TDP1: variants seen among roughly 807,000 people sequenced by gnomAD.
TDP1 encodes tyr-DNA phosphodiesterase 1.
TDP1 carries 64 observed loss-of-function variants against 81.5 expected under a neutral mutation model. That is an observed-to-expected ratio of 0.79 (90% CI 0.64 to 0.97). The LOEUF (loss-of-function observed/expected upper bound fraction) is 0.97. Ranked by LOEUF, TDP1 falls within the 50% of genes least tolerant of loss-of-function variation. TDP1 has a pLI of 0.00. For synonymous variants in TDP1, 256 were observed against 264.3 expected, an observed-to-expected ratio of 0.97 and a Z score of 0.30; for missense variants, 723 against 743.8, an observed-to-expected ratio of 0.97 and a Z score of 0.33.
intron 15 of TDP1, among the ~76,000 whole-genome samples, chr14:90,020,800 C>CTTTTTTTTTTT (rs869215666): frequency 2.4e-5 from 3 of 123,048 alleles, no homozygotes; most frequent in African/African-American, 3.3e-5. Flanking sequence ...CTAATCCAGT[C>CTTTTTTTTTTT]TTTTTTTTTT....
intron 15 of TDP1, among the ~76,000 whole-genome samples, chr14:90,025,202 C>T (rs1254060602): frequency 6.6e-6 from 1 of 152,214 alleles, no homozygotes; most frequent in Non-Finnish European, 1.5e-5. Flanking sequence ...TCCTGCAGTT[C>T]TCTACTTCCC....
rs1011799929 is a variant in TDP1, at chr14:90,035,397, G to A, written c.1753+2183G>A. Among the ~76,000 whole-genome samples the A allele has an allele frequency of 4.3e-4, 65 of 151,572 alleles. 1 individual carries two copies. The highest frequency in any genetic ancestry group is 1.4e-3 in the African/African-American group (59 of 41,242). Reference sequence around the variant, plus strand: ...GTGTATTCATGCATATTTCGTTTTCGGTAGCAAGGCTATCTAGATTTTTAT... The same window carrying A: ...GTGTATTCATGCATATTTCGTTTTCAGTAGCAAGGCTATCTAGATTTTTAT... On this transcript the variant is annotated intron_variant, in intron 16 of 16. Transcript: ENST00000335725.
At chr14:89,984,802 ATGTGATGAGG>A in intron 9 of TDP1, 119 bp downstream of exon 9, 1 of 1,592,000 alleles carries the variant, frequency 6.3e-7, no homozygotes, top group Non-Finnish European at 8.5e-7. Context: ...AAGCTTCAGG[ATGTGATGAGG>A]GGATGAGCAG....
intron 14 of TDP1, among the ~76,000 whole-genome samples, chr14:89,998,377 TATATA>T (rs1896838875): frequency 1.8e-4 from 1 of 5,518 alleles, no homozygotes; most frequent in Admixed American, 2.4e-3. Context: ...GCACATTATA[TATATA>T]TATATATATA....
chr14:89,970,977 A>G (rs1214083981), intron 5 of TDP1, 198 bp from the exon 6 acceptor site: 2 of 175,164 alleles, frequency 1.1e-5, no homozygotes, highest in African/African-American at 4.8e-5. Context: ...AGCTGGGATT[A>G]CAGGCACGCA....
chr14:90,021,003 C>T (rs946291656), intron 15 of TDP1, among the ~76,000 whole-genome samples: 27 of 151,750 alleles, frequency 1.8e-4, no homozygotes, highest in African/African-American at 6.3e-4. Context: ...ACCATGTTGG[C>T]CAAGTCTCCA....
intron 9 of TDP1, 40 bp downstream of exon 9, chr14:89,984,723 CT>C (rs34492580): frequency 2.5e-6 from 4 of 1,609,754 alleles, no homozygotes; most frequent in Non-Finnish European, 3.4e-6. Flanking sequence ...TTATGATAGG[CT>C]TATACCTTGG....
At chr14:89,999,411 C>T (rs916131321) in intron 14 of TDP1, among the ~76,000 whole-genome samples, 1 of 152,200 alleles carries the variant, frequency 6.6e-6, no homozygotes, top group Non-Finnish European at 1.5e-5. Flanking sequence ...ATCTAATGCT[C>T]TGTCAGCAAA....
chr14:89,994,380 A>G (rs116845772), intron 14 of TDP1, among the ~76,000 whole-genome samples: 2,695 of 152,310 alleles, frequency 0.018, 35 homozygotes, highest in Middle Eastern at 0.034. Context: ...GTAAGACTTG[A>G]TGTTGCAATC....
chr14:90,015,594 G>A (rs1335781108), intron 14 of TDP1, among the ~76,000 whole-genome samples: 1 of 152,192 alleles, frequency 6.6e-6, no homozygotes, highest in Non-Finnish European at 1.5e-5. Context: ...CTAGAGAATG[G>A]AAGTTCAATG....
At chr14:90,011,357 A>G (rs1024316296) in intron 14 of TDP1, among the ~76,000 whole-genome samples, 1 of 152,214 alleles carries the variant, frequency 6.6e-6, no homozygotes, top group Non-Finnish European at 1.5e-5. Context: ...GAACTGGGTA[A>G]CAGGCAGAGG....
At chr14:90,001,402 T>G (rs1356270088) in intron 14 of TDP1, among the ~76,000 whole-genome samples, 1 of 152,242 alleles carries the variant, frequency 6.6e-6, no homozygotes, top group Non-Finnish European at 1.5e-5. Context: ...AATCATAAAA[T>G]CTGCACCAAA....
intron 15 of TDP1, chr14:90,022,988 A>G (rs1380075260): frequency 5.3e-6 from 4 of 750,880 alleles, no homozygotes; most frequent in African/African-American, 1.7e-5. Flanking sequence ...CCACCTCCAT[A>G]CTCACTTCAG....
At chr14:89,985,729 G>C (rs1051755949) in intron 10 of TDP1, among the ~76,000 whole-genome samples, 18 of 152,088 alleles carry the variant, frequency 1.2e-4, no homozygotes, top group African/African-American at 4.3e-4. Flanking sequence ...GTGGTTTACT[G>C]ACCTTAATAA....
intron 2 of TDP1, chr14:89,957,291 G>T (rs1313910124): frequency 6.6e-6 from 1 of 152,206 alleles, no homozygotes; most frequent in East Asian, 1.9e-4. Context: ...AGCTCTGCTA[G>T]GGTAGAAACT....
At chr14:90,019,876 G>A (rs1885760080) in intron 15 of TDP1, among the ~76,000 whole-genome samples, 1 of 152,086 alleles carries the variant, frequency 6.6e-6, no homozygotes, top group Non-Finnish European at 1.5e-5. Flanking sequence ...GGTGGGAATG[G>A]CATCAACGTT....
At chr14:89,979,960 A>G (rs906340977) in intron 7 of TDP1, among the ~76,000 whole-genome samples, 4 of 152,228 alleles carry the variant, frequency 2.6e-5, no homozygotes, top group East Asian at 3.9e-4. Context: ...TGTGGCATCT[A>G]TGGATACAAA....
chr14:89,980,798 A>G, intron 8 of TDP1, 166 bp downstream of exon 8: 2 of 649,542 alleles, frequency 3.1e-6, no homozygotes, highest in Non-Finnish European at 2.7e-6. Context: ...TTCTTTTACT[A>G]CCTGCCCCAT....
At chr14:89,975,718 A>G in intron 6 of TDP1, 63 bp from the exon 7 acceptor site, 2 of 1,404,068 alleles carry the variant, frequency 1.4e-6, no homozygotes, top group African/African-American at 1.4e-5. Flanking sequence ...TTCTAATGTA[A>G]TTTCCAGTAG....
Sources: gnomAD v4.1 joint callset for allele counts (sites outside exome capture counted in the v4.1 genomes callset) on GRCh38, gnomAD v4.1.1 for gene constraint, MANE v1.5 for transcripts, NCBI Gene and HGNC (gene_info 2026-07-23, HGNC 2026-07-21) for gene names.